The following SCGB2A1 variants were observed in gnomAD, a reference collection of about 807,000 sequenced individuals.
SCGB2A1 encodes the protein secretoglobin family 2A member 1.
In SCGB2A1, 6 loss-of-function variants were observed where a neutral mutation model predicts 9.2. That is an observed-to-expected ratio of 0.66 (90% CI 0.36 to 1.29). The LOEUF is 1.29. SCGB2A1 is among the 50% of genes most tolerant of loss of function. The pLI, the probability that SCGB2A1 is intolerant of heterozygous loss-of-function variation, is 0.03. For synonymous variants in SCGB2A1, 37 were observed against 41.0 expected, an observed-to-expected ratio of 0.90 and a Z score of 0.37; for missense variants, 138 against 116.9, an observed-to-expected ratio of 1.18 and a Z score of -0.83.
rs1944856904 is a variant in SCGB2A1, at chr11:62,213,718, T to C, written c.244-8T>C. 1.2e-6 allele frequency: 2 copies of C among 1,607,842 alleles called. No individual in the cohort carries two copies. The highest frequency in any genetic ancestry group is 2.2e-5 in the East Asian group (1 of 44,834). On this transcript the variant is annotated splice_polypyrimidine_tract_variant and splice_region_variant and intron_variant, in intron 2 of 2. Coordinates refer to ENST00000244930, the MANE Select transcript of SCGB2A1 (RefSeq NM_002407.3). ...TGCAAACCTAAGTGACCTGCTTTTGTTTTCCAGCATACAGTGTACGACAGC... is the reference window on the plus strand; with the variant it reads ...TGCAAACCTAAGTGACCTGCTTTTGCTTTCCAGCATACAGTGTACGACAGC...
intron 2 of SCGB2A1, among the ~76,000 whole-genome samples, chr11:62,212,403 G>C (rs563662877): frequency 6.6e-6 from 1 of 151,738 alleles, no homozygotes; most frequent in South Asian, 2.1e-4. Context: ...AGGAGGCCAA[G>C]GCGGGCAGAT....
intron 1 of SCGB2A1, among the ~76,000 whole-genome samples, chr11:62,209,218 C>T (rs186150325): frequency 8.6e-4 from 131 of 152,214 alleles, no homozygotes; most frequent in African/African-American, 2.9e-3. Context: ...TGTCTCTCAC[C>T]CTGTGTGGCT....
intron 1 of SCGB2A1, among the ~76,000 whole-genome samples, chr11:62,209,137 G>A (rs1199005380): frequency 6.6e-6 from 1 of 152,160 alleles, no homozygotes; most frequent in Non-Finnish European, 1.5e-5. Flanking sequence ...ATAATCATGG[G>A]TCTCCTTGAA....
rs142068186 is a variant in SCGB2A1 at position 62,212,909 on chromosome 11, CAT to C, written c.244-809_244-808del. Among the ~76,000 whole-genome samples the C allele has an allele frequency of 1.6e-3, 228 of 144,096 alleles. 3 individuals carry two copies. The highest frequency in any genetic ancestry group is 6.1e-3 in the African/African-American group (215 of 35,040). 94.5% of individuals were successfully genotyped at this position (144,096 alleles called of 152,430 possible). On this transcript the variant is annotated intron_variant, in intron 2 of 2. Transcript: ENST00000244930. ...CACTAACACACCTGGCATATATATA[CAT>C]ATATATACACACACACATATATACA...
rs1944818634 is a variant in SCGB2A1 at position 62,210,363 on chromosome 11, A to G, written c.56-50A>G. 5.3e-6 allele frequency: 8 copies of G among 1,522,258 alleles called. No homozygotes were observed. The East Asian group carries it at 1.9e-4, about 36-fold the overall frequency. 94.3% of individuals were successfully genotyped at this position (1,522,258 alleles called of 1,614,324 possible). A position where few individuals can be genotyped will look rare whatever the true frequency, so the allele number is the denominator to read the frequency against. ...CATCTGTAGAATGAATCACACCTCT[A>G]GTAATGGCCCATGTTCTTGTGTCTT... is the stretch of plus-strand genomic sequence containing the variant. On this transcript the variant is annotated intron_variant, in intron 1 of 2. Transcript: ENST00000244930.
chr11:62,213,002 A>ACGCATATATG (rs1944845597), intron 2 of SCGB2A1, among the ~76,000 whole-genome samples: 1 of 81,460 alleles, frequency 1.2e-5, no homozygotes, highest in African/African-American at 4.1e-5. Context: ...GCATATATGT[A>ACGCATATATG]CACATATATG....
At chr11:62,213,146 A>G (rs1218994849) in intron 2 of SCGB2A1, among the ~76,000 whole-genome samples, 1 of 133,172 alleles carries the variant, frequency 7.5e-6, no homozygotes, top group Non-Finnish European at 1.6e-5. Flanking sequence ...CATATTGTCC[A>G]GGCTGGTTTA....
At chr11:62,213,116 T>TTTTTTTGTAGAGATGGCATTTTGTCA (rs1590656027) in intron 2 of SCGB2A1, among the ~76,000 whole-genome samples, 1 of 123,924 alleles carries the variant, frequency 8.1e-6, no homozygotes, top group Admixed American at 7.8e-5. Flanking sequence ...ATTTTTTTTT[T>TTTTTTTGTAGAGATGGCATTTTGTCA]TGTAGAGATG....
At position 62,208,685 on chromosome 11, in the gene SCGB2A1, T is replaced by G. The variant is rs771877205; in HGVS notation, c.-47T>G. 6 of 1,606,252 alleles carry G rather than the reference T, an allele frequency of 3.7e-6. No individual in the cohort carries two copies. In the South Asian group the frequency reaches 6.6e-5, roughly 18 times the overall value. On this transcript the variant is annotated 5_prime_UTR_variant, in exon 1 of 3. Coordinates refer to ENST00000244930, the MANE Select transcript of SCGB2A1 (RefSeq NM_002407.3). ...GGTACTCACCTCCACAGCAACTTCCTTGATCCCTGCCACGCACGACTGAAC... is the reference window on the plus strand; with the variant it reads ...GGTACTCACCTCCACAGCAACTTCCGTGATCCCTGCCACGCACGACTGAAC...
At position 62,208,775 on chromosome 11, in the gene SCGB2A1, A is replaced by G; in HGVS notation, c.44A>G (p.His15Arg). 2 of 1,613,364 alleles carry G rather than the reference A, an allele frequency of 1.2e-6. No individual in the cohort carries two copies. The highest frequency in any genetic ancestry group is 1.7e-6 in the Non-Finnish European group (2 of 1,179,878). Residue 15 changes from histidine to arginine, a missense_variant, in exon 1 of 3, where the codon CAC becomes CGC. Transcript: ENST00000244930. ...MVLMLAALLL[H>R]CYADSGCKLL... Reference sequence around the variant, plus strand: ...CTCATGCTGGCGGCCCTCCTCCTGCACTGCTATGCAGGTGAGTTCTGGGCA... The same window carrying G: ...CTCATGCTGGCGGCCCTCCTCCTGCGCTGCTATGCAGGTGAGTTCTGGGCA...
chr11:62,213,669 A>G lies in SCGB2A1; in HGVS notation c.244-57A>G. On this transcript the variant is annotated intron_variant, in intron 2 of 2. Coordinates refer to ENST00000244930, the MANE Select transcript of SCGB2A1 (RefSeq NM_002407.3). The stretch of plus-strand genomic sequence containing the variant: ...CAAGAAAACAAGAAGACAAGTTTTA[A>G]TATTTGATTTAATAAGTGAAATTTG... The G allele has an allele frequency of 2.0e-6, 3 of 1,519,622 alleles. No homozygotes were observed. The South Asian group carries it at 3.5e-5, about 18-fold the overall frequency. The allele number at this position is 1,519,622 out of a possible 1,614,324, so 94.1% of individuals were successfully genotyped here.
intron 1 of SCGB2A1, among the ~76,000 whole-genome samples, chr11:62,209,496 G>A (rs1164942173): frequency 3.9e-5 from 6 of 152,176 alleles, no homozygotes; most frequent in Admixed American, 1.3e-4. Context: ...AGGGTGACAA[G>A]CTCACAGTCA....
chr11:62,211,556 T>C (rs1287696363), intron 2 of SCGB2A1, among the ~76,000 whole-genome samples: 1 of 152,028 alleles, frequency 6.6e-6, no homozygotes, highest in Non-Finnish European at 1.5e-5. Context: ...TGTACCACCA[T>C]GCCCAGCTAA....
chr11:62,212,837 G>A (rs1410315508), intron 2 of SCGB2A1, among the ~76,000 whole-genome samples: 1 of 151,694 alleles, frequency 6.6e-6, no homozygotes, highest in Non-Finnish European at 1.5e-5. Context: ...CTGGGCTCAA[G>A]TGATCCTCCC....
At chr11:62,213,106 A>ATATATATATATATATATT (rs67975205) in intron 2 of SCGB2A1, among the ~76,000 whole-genome samples, 2 of 116,248 alleles carry the variant, frequency 1.7e-5, no homozygotes, top group African/African-American at 6.9e-5. Flanking sequence ...ATATATATAT[A>ATATATATATATATATATT]TTTTTTTTTT....
intron 2 of SCGB2A1, among the ~76,000 whole-genome samples, chr11:62,212,951 CATATGTACACAT>C (rs1276786476): frequency 4.8e-5 from 4 of 83,718 alleles, no homozygotes; most frequent in South Asian, 2.7e-4. Context: ...TATGTACACA[CATATGTACACAT>C]ATGTACACAT....
At chr11:62,212,418 T>G (rs1212402558) in intron 2 of SCGB2A1, among the ~76,000 whole-genome samples, 1 of 151,488 alleles carries the variant, frequency 6.6e-6, no homozygotes, top group East Asian at 2.0e-4. Context: ...GCAGATCACT[T>G]GAGGTCAGGA....
intron 2 of SCGB2A1, among the ~76,000 whole-genome samples, chr11:62,211,033 C>T (rs964291485): frequency 6.6e-6 from 1 of 151,276 alleles, no homozygotes; most frequent in Non-Finnish European, 1.5e-5. Flanking sequence ...AAGAGATTTG[C>T]CTGCCTCCAC....
At position 62,213,106 on chromosome 11, in the gene SCGB2A1, A is replaced by ATATATATATAT. The variant is rs67975205; in HGVS notation, c.244-619_244-618insATATATATATT. 3.0e-3 allele frequency among the ~76,000 whole-genome samples: 344 copies of ATATATATATAT among 116,230 alleles called. 21 individuals are homozygous for ATATATATATAT. Among genetic ancestry groups the ATATATATATAT allele is most frequent in the Admixed American group, 0.015 (156 of 10,438 alleles). 76.3% of individuals were successfully genotyped at this position (116,230 alleles called of 152,430 possible). A position where few individuals can be genotyped will look rare whatever the true frequency, so the allele number is the denominator to read the frequency against. ...CATATATACACATATATATATATAT[A>ATATATATATAT]TTTTTTTTTTTGTAGAGATGGCATT... On this transcript the variant is annotated intron_variant, in intron 2 of 2. Transcript: ENST00000244930.
Sources: gnomAD v4.1 joint callset for allele counts (sites outside exome capture counted in the v4.1 genomes callset) on GRCh38, gnomAD v4.1.1 for gene constraint, MANE v1.5 for transcripts, NCBI Gene and HGNC (gene_info 2026-07-23, HGNC 2026-07-21) for gene names.